MTOR: variants seen among roughly 807,000 people sequenced by gnomAD.
The protein encoded by MTOR is serine/threonine-protein kinase mTOR.
Under a neutral mutation model 319.8 loss-of-function variants are expected in MTOR, and 70 were observed. That is an observed-to-expected ratio of 0.22 (90% CI 0.18 to 0.27). MTOR has a LOEUF of 0.27. Among genes scored for constraint, MTOR ranks in the 10% least tolerant of loss-of-function variants. The pLI, the probability that MTOR is intolerant of heterozygous loss-of-function variation, is 1.00. For missense variants in MTOR, 1,890 were observed against 3,274.4 expected (o/e 0.58, Z 10.32); for synonymous variants, 1,183 against 1,211.4 (o/e 0.98, Z 0.49).
rs371955703 is a variant in MTOR, at chr1:11,123,917, A to G, written c.6662+581T>C. ...ATTCTCGTGCCTCAGCCTCCTGAGT[A>G]GCCGGGATTACAGGTGGCCGCCACC... On this transcript the variant is annotated intron_variant, in intron 47 of 57. Transcript: ENST00000361445. Among the ~76,000 whole-genome samples, 532 of 152,100 alleles carry G rather than the reference A, an allele frequency of 3.5e-3. 6 individuals are homozygous for G. Among genetic ancestry groups the G allele is most frequent in the African/African-American group, 0.012 (503 of 41,474 alleles).
At chr1:11,206,465 C>T (rs990074853) in intron 25 of MTOR, among the ~76,000 whole-genome samples, 74 of 152,158 alleles carry the variant, frequency 4.9e-4, no homozygotes, top group African/African-American at 1.7e-3. Context: ...CGGTCCACAT[C>T]TGTAAAGTGG....
chr1:11,136,191 G>C (rs1442352593), intron 36 of MTOR, among the ~76,000 whole-genome samples: 1 of 152,184 alleles, frequency 6.6e-6, no homozygotes, highest in Non-Finnish European at 1.5e-5. Flanking sequence ...TGAAGAAAAT[G>C]AAACTCCCTA....
intron 8 of MTOR, among the ~76,000 whole-genome samples, chr1:11,243,890 G>A (rs1466268819): frequency 6.6e-6 from 1 of 152,106 alleles, no homozygotes; most frequent in Non-Finnish European, 1.5e-5. Context: ...CGGGTGCAGT[G>A]TCTCACACAT....
chr1:11,160,589 G>T (rs1189172445), intron 29 of MTOR, among the ~76,000 whole-genome samples: 1 of 152,166 alleles, frequency 6.6e-6, no homozygotes, highest in Non-Finnish European at 1.5e-5. Flanking sequence ...TGTCAGCTCA[G>T]ACCAGTTCTT....
At chr1:11,172,285 C>A (rs956892638) in intron 28 of MTOR, among the ~76,000 whole-genome samples, 2 of 151,956 alleles carry the variant, frequency 1.3e-5, no homozygotes, top group African/African-American at 4.8e-5. Context: ...TGGCTGGGCG[C>A]GGTGGCTCAC....
intron 9 of MTOR, 135 bp from the exon 10 acceptor site, chr1:11,241,816 C>CT: frequency 1.1e-6 from 1 of 950,596 alleles, no homozygotes; most frequent in South Asian, 1.6e-5. Context: ...TTGTCCAGAG[C>CT]ACAGTTCAAA....
Position 11,139,527 on chromosome 1 carries a change from A to C in MTOR, c.4998+6T>G, listed in dbSNP as rs1215487584. ...CTGCCCATGTGGGTGGGTGGTTGTC[A>C]CTCACCAGCCTGCCACTCTTGCCGC... is the stretch of plus-strand genomic sequence containing the variant. On this transcript the variant is annotated splice_donor_region_variant and intron_variant, in intron 35 of 57. Transcript: ENST00000361445. The C allele has an allele frequency of 6.2e-7, 1 of 1,613,964 alleles. No individual in the cohort carries two copies. The highest frequency in any genetic ancestry group is 8.5e-7 in the Non-Finnish European group (1 of 1,180,022).
At chr1:11,241,138 A>G (rs1278177443) in intron 10 of MTOR, among the ~76,000 whole-genome samples, 3 of 151,674 alleles carry the variant, frequency 2.0e-5, no homozygotes, top group Admixed American at 6.6e-5. Flanking sequence ...TGGCTAACAC[A>G]CTGAAACCCC....
At chr1:11,167,262 GAAAT>G (rs910861821) in intron 29 of MTOR, among the ~76,000 whole-genome samples, 176 bp downstream of exon 29, 4 of 149,720 alleles carry the variant, frequency 2.7e-5, no homozygotes, top group Non-Finnish European at 5.9e-5. Context: ...AAAAAAGAAA[GAAAT>G]AGAGTCCCTA....
chr1:11,123,279 G>A (rs892726015), intron 47 of MTOR, among the ~76,000 whole-genome samples: 1 of 152,012 alleles, frequency 6.6e-6, no homozygotes, highest in African/African-American at 2.4e-5. Context: ...TACTTTTTGA[G>A]ATAGGGTCTC....
rs759881632 is a variant in MTOR at position 11,167,427 on chromosome 1, G to C, written c.4329+15C>G. On this transcript the variant is annotated intron_variant, in intron 29 of 57. Coordinates refer to ENST00000361445, the MANE Select transcript of MTOR (RefSeq NM_004958.4). ...TCTCTACCTCCTGCTTTTCCAAAAAGAATGAGGTGCTTACCAGCTCTCCAA... is the reference window on the plus strand; with the variant it reads ...TCTCTACCTCCTGCTTTTCCAAAAACAATGAGGTGCTTACCAGCTCTCCAA... The C allele has an allele frequency of 9.3e-6, 15 of 1,610,530 alleles. No individual in the cohort carries two copies. The highest frequency in any genetic ancestry group is 1.7e-4 in the Middle Eastern group (1 of 6,056).
At position 11,172,684 on chromosome 1, in the gene MTOR, C is replaced by T. The variant is rs376692144; in HGVS notation, c.4254-5167G>A. On this transcript the variant is annotated intron_variant, in intron 28 of 57. Coordinates refer to ENST00000361445, the MANE Select transcript of MTOR (RefSeq NM_004958.4). Reference sequence around the variant, plus strand: ...AGGAGTTCGAGACCAGCCTGGCCAACATGGTGAAACCCCATCTCTACTAAA... The same window carrying T: ...AGGAGTTCGAGACCAGCCTGGCCAATATGGTGAAACCCCATCTCTACTAAA... Among the ~76,000 whole-genome samples the T allele has an allele frequency of 4.3e-3, 645 of 151,762 alleles. 6 individuals carry two copies. The highest frequency in any genetic ancestry group is 0.015 in the African/African-American group (608 of 41,368).
chr1:11,139,508 ATGTG>A (rs765280432), intron 35 of MTOR, 21 bp downstream of exon 35: 1 of 1,614,178 alleles, frequency 6.2e-7, no homozygotes, highest in South Asian at 1.1e-5. Context: ...CTACCTGCCC[ATGTG>A]GGTGGGTGGT....
At chr1:11,243,064 C>A (rs1019206725) in intron 9 of MTOR, 50 bp downstream of exon 9, 3 of 1,602,904 alleles carry the variant, frequency 1.9e-6, no homozygotes, top group Non-Finnish European at 2.6e-6. Context: ...GAGCGTCCTT[C>A]CTCTCCAACC....
At chr1:11,221,256 A>C (rs1646650598) in intron 19 of MTOR, among the ~76,000 whole-genome samples, 1 of 152,044 alleles carries the variant, frequency 6.6e-6, no homozygotes, top group Admixed American at 6.6e-5. Flanking sequence ...CGGCCTCCCA[A>C]AGTGTTGGGG....
intron 30 of MTOR, among the ~76,000 whole-genome samples, chr1:11,150,464 G>A (rs1297232181): frequency 6.6e-6 from 1 of 152,176 alleles, no homozygotes; most frequent in Non-Finnish European, 1.5e-5. Flanking sequence ...CTAACTCTGT[G>A]ATATGAAATG....
At chr1:11,230,379 G>A (rs932262095) in intron 18 of MTOR, among the ~76,000 whole-genome samples, 8 of 152,086 alleles carry the variant, frequency 5.3e-5, no homozygotes, top group Non-Finnish European at 1.2e-4. Flanking sequence ...ATTCCAGCCT[G>A]GGCAACAGAG....
intron 38 of MTOR, chr1:11,132,109 C>T (rs1467037272): frequency 6.6e-6 from 1 of 152,190 alleles, no homozygotes; most frequent in Non-Finnish European, 1.5e-5. Flanking sequence ...AAGGGACCCA[C>T]ATTAGGAAAA....
Position 11,129,065 on chromosome 1 carries a change from C to G in MTOR, c.5715-114G>C, listed in dbSNP as rs536636394. The G allele has an allele frequency of 1.1e-4, 88 of 826,054 alleles. 1 individual carries two copies. In the East Asian group the frequency reaches 1.9e-3, roughly 18 times the overall value. 51.2% of individuals were successfully genotyped at this position (826,054 alleles called of 1,614,324 possible). Reference sequence around the variant, plus strand: ...CTGGCAGGGACTCCAACCAGTAACTCTCAAATGTGTTTGGCCTCCCATGGG... The same window carrying G: ...CTGGCAGGGACTCCAACCAGTAACTGTCAAATGTGTTTGGCCTCCCATGGG... On this transcript the variant is annotated intron_variant, in intron 40 of 57. Transcript: ENST00000361445. The surrounding 1 kb of genome is among the most constrained non-coding windows in gnomAD (Gnocchi z 4.7).
Sources: allele counts gnomAD v4.1 joint callset (sites outside exome capture counted in the v4.1 genomes callset), GRCh38; gene constraint gnomAD v4.1.1; non-coding constraint Gnocchi (gnomAD v3.1); transcripts MANE v1.5; gene names NCBI Gene and HGNC (gene_info 2026-07-23, HGNC 2026-07-21).